FAT3: variants seen among roughly 807,000 people sequenced by gnomAD.
FAT3 encodes protocadherin Fat 3.
FAT3 carries 95 observed loss-of-function variants against 310.2 expected under a neutral mutation model. The observed-to-expected ratio is 0.31, with a 90% CI of 0.26 to 0.36. The LOEUF is 0.36. Ranked by LOEUF, FAT3 falls within the 10% of genes least tolerant of loss-of-function variation. The pLI is 1.00. For missense variants in FAT3, 5,408 were observed against 5,715.6 expected (o/e 0.95, Z 1.74); for synonymous variants, 2,314 against 2,192.9 (o/e 1.06, Z -1.54).
intron 2 of FAT3, among the ~76,000 whole-genome samples, chr11:92,360,113 G>A (rs1948841951): frequency 6.6e-6 from 1 of 152,074 alleles, no homozygotes; most frequent in East Asian, 1.9e-4. Flanking sequence ...AAACCCCATC[G>A]TCTCAGCCCA....
intron 2 of FAT3, among the ~76,000 whole-genome samples, chr11:92,474,228 G>A (rs1168811311): frequency 6.6e-6 from 1 of 152,164 alleles, no homozygotes; most frequent in Non-Finnish European, 1.5e-5. Flanking sequence ...TAATAAGAAA[G>A]AGTAATCCAT....
chr11:92,256,120 A>T (rs1865305140), intron 1 of FAT3, among the ~76,000 whole-genome samples: 1 of 152,154 alleles, frequency 6.6e-6, no homozygotes, highest in Non-Finnish European at 1.5e-5. Flanking sequence ...GAGTCTAAAT[A>T]ACACTGAATA....
chr11:92,857,235 A>C lies in FAT3; in HGVS notation c.11387A>C (p.Asn3796Thr). 1 of 1,613,982 alleles carries C rather than the reference A, an allele frequency of 6.2e-7. No homozygotes were observed. The highest frequency in any genetic ancestry group is 8.5e-7 in the Non-Finnish European group (1 of 1,179,902). ...TCNGGLCPGS[N>T]DPCVEKPCPG... ...ACAGGAGGACTGTGTCCGGGGTCCA[A>C]CGATCCTTGTGTGGAGAAGCCGTGT... Residue 3796 changes from asparagine to threonine, a missense_variant, in exon 20 of 28, where the codon AAC becomes ACC. Physicochemically the swap from Asn to Thr is moderately conservative, Grantham distance 65. This residue lies in a region of FAT3 where 4,588 missense variants were observed against 4,809.8 expected (regional missense o/e 0.95). Transcript: ENST00000525166.
At chr11:92,482,603 A>T (rs921005767) in intron 2 of FAT3, among the ~76,000 whole-genome samples, 1 of 152,106 alleles carries the variant, frequency 6.6e-6, no homozygotes, top group Non-Finnish European at 1.5e-5. Context: ...CCACAATTAG[A>T]ATTGCTCCAT....
At chr11:92,428,313 T>TC (rs1459974796) in intron 2 of FAT3, among the ~76,000 whole-genome samples, 1 of 147,608 alleles carries the variant, frequency 6.8e-6, no homozygotes, top group East Asian at 2.0e-4. Flanking sequence ...GTTAATCTTT[T>TC]CAAAAAAAAA....
At chr11:92,449,143 C>T (rs955905592) in intron 2 of FAT3, among the ~76,000 whole-genome samples, 2 of 152,146 alleles carry the variant, frequency 1.3e-5, no homozygotes, top group African/African-American at 4.8e-5. Flanking sequence ...GGAGCCCGAG[C>T]AATGCCAATA....
chr11:92,659,644 A>C (rs1470771237), intron 3 of FAT3, among the ~76,000 whole-genome samples: 2 of 152,222 alleles, frequency 1.3e-5, no homozygotes, highest in Non-Finnish European at 2.9e-5. Context: ...GTGAAATAAT[A>C]TCTCAGGAGG....
chr11:92,756,741 A>G (rs2408869), intron 4 of FAT3, among the ~76,000 whole-genome samples: 4,966 of 152,032 alleles, frequency 0.033, 272 homozygotes, highest in African/African-American at 0.11. Flanking sequence ...CCCTCCCACC[A>G]GCTTCCATAA....
intron 2 of FAT3, among the ~76,000 whole-genome samples, chr11:92,396,461 G>C (rs576365713): frequency 6.6e-5 from 10 of 152,134 alleles, no homozygotes; most frequent in Non-Finnish European, 2.9e-5. Context: ...GGAAGATCCC[G>C]TCTACATGTA....
intron 3 of FAT3, among the ~76,000 whole-genome samples, chr11:92,576,052 A>T (rs895133588): frequency 5.3e-5 from 8 of 152,154 alleles, no homozygotes; most frequent in Admixed American, 5.2e-4. Flanking sequence ...TGCTGATCTG[A>T]AGTATAATCT....
intron 2 of FAT3, among the ~76,000 whole-genome samples, chr11:92,387,603 G>T (rs1207967135): frequency 6.6e-6 from 1 of 152,122 alleles, no homozygotes; most frequent in African/African-American, 2.4e-5. Flanking sequence ...CTGGATGTAG[G>T]GGTAAGTGAC....
At chr11:92,418,437 CA>C (rs201277215) in intron 2 of FAT3, among the ~76,000 whole-genome samples, 47 of 107,898 alleles carry the variant, frequency 4.4e-4, no homozygotes, top group African/African-American at 1.7e-3. Flanking sequence ...CACCCCCCCA[CA>C]CACACACAGA....
In FAT3 at chr11:92,381,215, T is replaced by C. The variant is rs1277660359; in HGVS notation, c.3292+25811T>C. On this transcript the variant is annotated intron_variant, in intron 2 of 27. Transcript: ENST00000525166. Reference sequence around the variant, plus strand: ...CTGGAACTTCTTTTATATTCTTATATATCTAGGAGTTGGGCCAGGTGCAGT... The same window carrying C: ...CTGGAACTTCTTTTATATTCTTATACATCTAGGAGTTGGGCCAGGTGCAGT... Among the ~76,000 whole-genome samples the C allele has an allele frequency of 2.0e-5, 3 of 152,324 alleles. No individual in the cohort carries two copies. The East Asian group carries it at 5.8e-4, about 29-fold the overall frequency.
Position 92,353,432 on chromosome 11 carries a change from G to A in FAT3, c.1320G>A (p.Lys440=). The change falls in exon 2 of 28, where the codon AAG becomes AAA. Residue 440 remains lysine (K), a synonymous_variant. Coordinates refer to ENST00000525166, the MANE Select transcript of FAT3 (RefSeq NM_001367949.2). ...CACGGCCACTGAATACTGTTAAGAA[G>A]GAGGTTTATAAACTGGAGGTGACAA... ...VTARPLNTVK[K]EVYKLEVTNK... 1 of 1,613,542 alleles carries A rather than the reference G, an allele frequency of 6.2e-7. No individual in the cohort carries two copies. The highest frequency in any genetic ancestry group is 8.5e-7 in the Non-Finnish European group (1 of 1,179,800).
chr11:92,894,408 G>A lies in FAT3; in HGVS notation c.*3295G>A, dbSNP rs370375210. ...TTCCCACAAACACTGGCTACTCTTTGTCCTACCCCCTCCACCATGATGAAC... is the reference window on the plus strand; with the variant it reads ...TTCCCACAAACACTGGCTACTCTTTATCCTACCCCCTCCACCATGATGAAC... On this transcript the variant is annotated 3_prime_UTR_variant, in exon 28 of 28. Transcript: ENST00000525166. The A allele has an allele frequency of 6.6e-6, 1 of 152,044 alleles. No individual in the cohort carries two copies. The highest frequency in any genetic ancestry group is 6.6e-5 in the Admixed American group (1 of 15,262). 9.4% of individuals were successfully genotyped at this position (152,044 alleles called of 1,614,324 possible).
chr11:92,380,125 T>C (rs181338534), intron 2 of FAT3, among the ~76,000 whole-genome samples: 2 of 150,372 alleles, frequency 1.3e-5, no homozygotes, highest in African/African-American at 4.9e-5. Context: ...TGAAGGATAA[T>C]TGATGTTACG....
chr11:92,594,965 A>G (rs1045174312), intron 3 of FAT3, among the ~76,000 whole-genome samples: 2 of 151,378 alleles, frequency 1.3e-5, no homozygotes, highest in African/African-American at 2.4e-5. Flanking sequence ...GTGCTCATTC[A>G]TATATATGAA....
intron 3 of FAT3, among the ~76,000 whole-genome samples, chr11:92,609,120 GTGA>G (rs1299209424): frequency 1.3e-5 from 2 of 152,158 alleles, no homozygotes; most frequent in African/African-American, 4.8e-5. Context: ...AAGCAAAGAG[GTGA>G]TTTCTTTTTT....
At chr11:92,687,035 T>C (rs1276467093) in intron 3 of FAT3, among the ~76,000 whole-genome samples, 1 of 152,160 alleles carries the variant, frequency 6.6e-6, no homozygotes, top group Non-Finnish European at 1.5e-5. Context: ...TTTTCAGACA[T>C]TTTGGGGGTT....
Sources: allele counts gnomAD v4.1 joint callset (sites outside exome capture counted in the v4.1 genomes callset), GRCh38; gene constraint gnomAD v4.1.1; regional missense constraint gnomAD v4.1.1; transcripts MANE v1.5; gene names NCBI Gene and HGNC (gene_info 2026-07-23, HGNC 2026-07-21).